The following ST3GAL4 variants were observed in gnomAD, a reference collection of about 807,000 sequenced individuals.
ST3GAL4 encodes CMP-N-acetylneuraminate-beta-galactosamide-alpha-2,3-sialyltransferase 4.
Under a neutral mutation model 42.6 loss-of-function variants are expected in ST3GAL4, and 24 were observed. The ratio of observed to expected loss-of-function variants is 0.56; its 90% CI spans 0.41 to 0.79. The LOEUF (loss-of-function observed/expected upper bound fraction) is 0.79, where lower values mean the gene tolerates loss of function less well. Ranked by LOEUF, ST3GAL4 falls within the 30% of genes least tolerant of loss-of-function variation. ST3GAL4 has a pLI of 0.00. For missense variants in ST3GAL4, 311 were observed against 430.8 expected (o/e 0.72, Z 2.46); for synonymous variants, 135 against 163.2 (o/e 0.83, Z 1.32).
chr11:126,413,763 A>G, intron 10 of ST3GAL4, 115 bp downstream of exon 10: 3 of 1,511,918 alleles, frequency 2.0e-6, no homozygotes, highest in Non-Finnish European at 2.7e-6. Context: ...CGCAGTCAGA[A>G]CTGGAACCGA....
intron 5 of ST3GAL4, 92 bp downstream of exon 5, chr11:126,407,441 C>T (rs1954290338): frequency 6.4e-7 from 1 of 1,560,764 alleles, no homozygotes; most frequent in East Asian, 2.2e-5. Context: ...TGCCCAAGTT[C>T]TGAGCCTGAC....
intron 1 of ST3GAL4, among the ~76,000 whole-genome samples, chr11:126,385,297 C>T (rs377673745): frequency 1.3e-5 from 2 of 151,850 alleles, no homozygotes; most frequent in African/African-American, 4.8e-5. Context: ...GGACTACAGG[C>T]GCCCACCACC....
chr11:126,403,719 G>C (rs966439978), intron 1 of ST3GAL4, among the ~76,000 whole-genome samples: 1 of 152,178 alleles, frequency 6.6e-6, no homozygotes, highest in African/African-American at 2.4e-5. Context: ...GCTGCAGTTC[G>C]TAAGGTCCTG....
Position 126,363,994 on chromosome 11 carries a change from G to C in ST3GAL4, c.-61+8152G>C, listed in dbSNP as rs1272658038. Among the ~76,000 whole-genome samples, 2 of 152,240 alleles carry C rather than the reference G, an allele frequency of 1.3e-5. No individual in the cohort carries two copies. The highest frequency in any genetic ancestry group is 2.9e-5 in the Non-Finnish European group (2 of 68,044). On this transcript the variant is annotated intron_variant, in intron 1 of 10. Coordinates refer to ENST00000444328, the MANE Select transcript of ST3GAL4 (RefSeq NM_001254757.2). The surrounding 1 kb of genome is among the most constrained non-coding windows in gnomAD (Gnocchi z 4.6). ...AGGGACCAGCTGGTCCCCTGCTGTG[G>C]TTCCACACAGTGGAGACTGATCCCT...
Position 126,361,091 on chromosome 11 carries a change from C to T in ST3GAL4, c.-61+5249C>T, listed in dbSNP as rs144207258. 5.4e-3 allele frequency among the ~76,000 whole-genome samples: 818 copies of T among 152,270 alleles called. 31 individuals are homozygous for T. Among genetic ancestry groups the T allele is most frequent in the Admixed American group, 0.049 (751 of 15,290 alleles). On this transcript the variant is annotated intron_variant, in intron 1 of 10. Coordinates refer to ENST00000444328, the MANE Select transcript of ST3GAL4 (RefSeq NM_001254757.2). ...GGTCGGCTGGCCACATTTCTCTACCCATCACCCCTCCCTAGTAACCTTCAG... is the reference window on the plus strand; with the variant it reads ...GGTCGGCTGGCCACATTTCTCTACCTATCACCCCTCCCTAGTAACCTTCAG...
rs1954498769 is a variant in ST3GAL4 at position 126,410,955 on chromosome 11, C to T, written c.771+1544C>T. On this transcript the variant is annotated intron_variant, in intron 9 of 10. Coordinates refer to ENST00000444328, the MANE Select transcript of ST3GAL4 (RefSeq NM_001254757.2). The surrounding 1 kb of genome is among the most constrained non-coding windows in gnomAD (Gnocchi z 5.3). Reference sequence around the variant, plus strand: ...GCTGGGGAAAGGCATTCCATTTGGCCAGAGCAGGCGGCTCCTCCAGCACTG... The same window carrying T: ...GCTGGGGAAAGGCATTCCATTTGGCTAGAGCAGGCGGCTCCTCCAGCACTG... Among the ~76,000 whole-genome samples the T allele has an allele frequency of 6.6e-6, 1 of 152,174 alleles. No homozygotes were observed. The highest frequency in any genetic ancestry group is 1.5e-5 in the Non-Finnish European group (1 of 68,040).
intron 10 of ST3GAL4, 152 bp from the exon 11 acceptor site, chr11:126,413,809 C>T: frequency 7.3e-7 from 1 of 1,364,046 alleles, no homozygotes; most frequent in Non-Finnish European, 1.0e-6. Context: ...CCTCCATGTT[C>T]AGCCACATGG....
intron 1 of ST3GAL4, among the ~76,000 whole-genome samples, chr11:126,399,631 TTTAAA>T (rs1173893768): frequency 6.6e-6 from 1 of 152,158 alleles, no homozygotes; most frequent in African/African-American, 2.4e-5. Context: ...AAGTTTCATC[TTTAAA>T]TTATTTATTT....
chr11:126,403,472 A>C (rs960821246), intron 1 of ST3GAL4: 1 of 983,346 alleles, frequency 1.0e-6, no homozygotes, highest in African/African-American at 1.7e-5. Context: ...GCTGCATTTT[A>C]GAATCACAGA....
rs572416416 is a variant in ST3GAL4 at position 126,384,682 on chromosome 11, G to A, written c.-60-21414G>A. 5.1e-5 allele frequency: 50 copies of A among 985,330 alleles called. No homozygotes were observed. The East Asian group carries it at 1.2e-3, about 25-fold the overall frequency. The allele number at this position is 985,330 out of a possible 1,614,324, so 61.0% of individuals were successfully genotyped here. A position where few individuals can be genotyped will look rare whatever the true frequency, so the allele number is the denominator to read the frequency against. On this transcript the variant is annotated intron_variant, in intron 1 of 10. Transcript: ENST00000444328. This position sits in a 1 kb window ranked among gnomAD's most constrained non-coding sequence, Gnocchi z 5.5. ...GACAGATGGAGAGCCACCTCCCTAGGGGCCTCCTCCCCCTCCCCTTCTGCA... is the reference window on the plus strand; with the variant it reads ...GACAGATGGAGAGCCACCTCCCTAGAGGCCTCCTCCCCCTCCCCTTCTGCA...
At chr11:126,358,546 G>A in intron 1 of ST3GAL4, 1 of 446,992 alleles carries the variant, frequency 2.2e-6, no homozygotes, top group Non-Finnish European at 4.5e-6. Flanking sequence ...TACAGACTGA[G>A]GAAGTGGTCA....
intron 1 of ST3GAL4, among the ~76,000 whole-genome samples, chr11:126,395,809 TTTTC>T (rs1271769916): frequency 9.2e-5 from 14 of 152,320 alleles, no homozygotes; most frequent in Admixed American, 7.8e-4. Context: ...TTAAACTTCT[TTTTC>T]TTTATTAATT....
At position 126,384,549 on chromosome 11, in the gene ST3GAL4, G is replaced by C. The variant is rs890174232; in HGVS notation, c.-60-21547G>C. Among the ~76,000 whole-genome samples the C allele has an allele frequency of 2.3e-4, 35 of 152,268 alleles. 1 individual carries two copies. Among genetic ancestry groups the C allele is most frequent in the Non-Finnish European group, 4.6e-4 (31 of 68,008 alleles). Reference sequence around the variant, plus strand: ...TGGGGTCACCATGGACAGGAGGCTGGTGTCTGGTCAGGCTGAGGGATCCGT... The same window carrying C: ...TGGGGTCACCATGGACAGGAGGCTGCTGTCTGGTCAGGCTGAGGGATCCGT... On this transcript the variant is annotated intron_variant, in intron 1 of 10. Coordinates refer to ENST00000444328, the MANE Select transcript of ST3GAL4 (RefSeq NM_001254757.2). The surrounding 1 kb of genome is among the most constrained non-coding windows in gnomAD (Gnocchi z 5.5).
In ST3GAL4 at chr11:126,406,821, T is replaced by C; in HGVS notation, c.102-122T>C. ...ACTTGGGTTCCAAGTGGAACTTAAC[T>C]TGAGATGATTCCTCCCCGGCACCTT... On this transcript the variant is annotated intron_variant, in intron 3 of 10. Transcript: ENST00000444328. The surrounding 1 kb of genome is among the most constrained non-coding windows in gnomAD (Gnocchi z 5.4). 9.7e-7 allele frequency: 1 copy of C among 1,031,588 alleles called. No homozygotes were observed. The highest frequency in any genetic ancestry group is 1.6e-5 in the African/African-American group (1 of 62,574). 63.9% of individuals were successfully genotyped at this position (1,031,588 alleles called of 1,614,324 possible). A position where few individuals can be genotyped will look rare whatever the true frequency, so the allele number is the denominator to read the frequency against.
rs960259640 is a variant in ST3GAL4, at chr11:126,379,499, C to T, written c.-61+23657C>T. 7.2e-5 allele frequency among the ~76,000 whole-genome samples: 11 copies of T among 151,914 alleles called. No homozygotes were observed. Among genetic ancestry groups the T allele is most frequent in the East Asian group, 5.8e-4 (3 of 5,184 alleles). ...TATATTATTATTATTATTATTGAGA[C>T]GGAGTTTCTCTCTTGTTGCCCAGGC... On this transcript the variant is annotated intron_variant, in intron 1 of 10. Coordinates refer to ENST00000444328, the MANE Select transcript of ST3GAL4 (RefSeq NM_001254757.2). The surrounding 1 kb of genome is among the most constrained non-coding windows in gnomAD (Gnocchi z 4.2).
intron 8 of ST3GAL4, chr11:126,408,931 C>T: frequency 2.4e-6 from 1 of 420,158 alleles, no homozygotes; most frequent in Non-Finnish European, 4.3e-6. Context: ...GCTGAACTGT[C>T]CCATCTGGCA....
At chr11:126,388,966 CG>C (rs1482830483) in intron 1 of ST3GAL4, among the ~76,000 whole-genome samples, 2 of 150,354 alleles carry the variant, frequency 1.3e-5, no homozygotes, top group African/African-American at 4.9e-5. Flanking sequence ...TTAGTAGAGA[CG>C]GGGTTTCACC....
chr11:126,381,504 A>G (rs1401438261), intron 1 of ST3GAL4, among the ~76,000 whole-genome samples: 1 of 150,084 alleles, frequency 6.7e-6, no homozygotes, highest in East Asian at 2.0e-4. Flanking sequence ...ATGGCTGGAA[A>G]GGACACAGGG....
At position 126,383,793 on chromosome 11, in the gene ST3GAL4, C is replaced by G. The variant is rs889215899; in HGVS notation, c.-60-22303C>G. ...GGCAGATTCACCAGAGGGGCTACTGCGCAGAGCCTGGGCCCTGGACACCTA... is the reference window on the plus strand; with the variant it reads ...GGCAGATTCACCAGAGGGGCTACTGGGCAGAGCCTGGGCCCTGGACACCTA... On this transcript the variant is annotated intron_variant, in intron 1 of 10. Coordinates refer to ENST00000444328, the MANE Select transcript of ST3GAL4 (RefSeq NM_001254757.2). This position sits in a 1 kb window ranked among gnomAD's most constrained non-coding sequence, Gnocchi z 4.5. 2.0e-5 allele frequency among the ~76,000 whole-genome samples: 3 copies of G among 152,150 alleles called. No individual in the cohort carries two copies. The highest frequency in any genetic ancestry group is 4.8e-5 in the African/African-American group (2 of 41,444).
Sources: allele counts gnomAD v4.1 joint callset (sites outside exome capture counted in the v4.1 genomes callset), GRCh38; gene constraint gnomAD v4.1.1; non-coding constraint Gnocchi (gnomAD v3.1); transcripts MANE v1.5; gene names NCBI Gene and HGNC (gene_info 2026-07-23, HGNC 2026-07-21).